Variants in DNAH8 observed in about 807,000 individuals in gnomAD.
DNAH8 encodes axonemal beta dynein heavy chain 8.
A neutral mutation model predicts 562.1 loss-of-function variants in DNAH8; 382 were observed. The observed-to-expected ratio is 0.68, with a 90% confidence interval of 0.63 to 0.74. The LOEUF (loss-of-function observed/expected upper bound fraction) is 0.74, where lower values mean the gene tolerates loss of function less well. DNAH8 is among the 30% of genes least tolerant of loss of function. DNAH8 has a pLI of 0.00. For synonymous variants in DNAH8, 1,881 were observed against 1,919.4 expected, an observed-to-expected ratio of 0.98 and a Z score of 0.52; for missense variants, 5,203 against 5,620.4, an observed-to-expected ratio of 0.93 and a Z score of 2.37.
At chr6:38,879,694 A>T (rs1006500197) in intron 53 of DNAH8, among the ~76,000 whole-genome samples, 1 of 151,948 alleles carries the variant, frequency 6.6e-6, no homozygotes, top group African/African-American at 2.4e-5. Flanking sequence ...TTTCTATTCA[A>T]CATTGTACTA....
chr6:38,759,840 C>T (rs765080897), intron 10 of DNAH8, among the ~76,000 whole-genome samples: 24 of 152,118 alleles, frequency 1.6e-4, no homozygotes, highest in Non-Finnish European at 3.4e-4. Flanking sequence ...TAATTTTCCA[C>T]CCACTGACTC....
chr6:38,979,761 G>A (rs1052244102), intron 85 of DNAH8, among the ~76,000 whole-genome samples: 5 of 152,166 alleles, frequency 3.3e-5, no homozygotes, highest in African/African-American at 1.2e-4. Context: ...ATAAATAGGA[G>A]TGTTTCCATA....
intron 18 of DNAH8, among the ~76,000 whole-genome samples, chr6:38,789,002 G>A (rs4714182): frequency 0.13 from 19,131 of 152,158 alleles, 1,490 homozygotes; most frequent in East Asian, 0.38. Flanking sequence ...CCATGCATGA[G>A]CTTTTTTACT....
chr6:38,820,424 A>G (rs1772714983), intron 26 of DNAH8, among the ~76,000 whole-genome samples: 1 of 152,206 alleles, frequency 6.6e-6, no homozygotes, highest in African/African-American at 2.4e-5. Flanking sequence ...GCTATTCTAT[A>G]TCCTATAACA....
Position 38,756,053 on chromosome 6 carries a change from G to C in DNAH8, c.1489G>C (p.Glu497Gln). ...HGVSRYYNTSERMTSLFIKVT... is the reference protein window; with the variant it reads ...HGVSRYYNTSQRMTSLFIKVT... ...TGTGTCAAGGTATTATAATACCTCA[G>C]AGAGAATGACCTCATTGTTTATCAA... Residue 497 changes from glutamate (E) to glutamine (Q), a missense_variant, in exon 10 of 93, where the codon GAG becomes CAG. Physicochemically the swap from Glu to Gln is conservative, Grantham distance 29. This residue lies in a region of DNAH8 where 2,176 missense variants were observed against 2,365.1 expected (regional missense o/e 0.92). Coordinates refer to ENST00000327475, the MANE Select transcript of DNAH8 (RefSeq NM_001206927.2). 1 of 1,593,450 alleles carries C rather than the reference G, an allele frequency of 6.3e-7. No homozygotes were observed. The highest frequency in any genetic ancestry group is 8.6e-7 in the Non-Finnish European group (1 of 1,161,792).
At chr6:39,017,527 A>G (rs553018189) in intron 91 of DNAH8, among the ~76,000 whole-genome samples, 18 of 152,274 alleles carry the variant, frequency 1.2e-4, no homozygotes, top group African/African-American at 4.3e-4. Context: ...TGTGTTCCCC[A>G]GGTCTCACAC....
chr6:38,932,215 C>CACACACACACACACACACACACACAT (rs1199457741), intron 76 of DNAH8, among the ~76,000 whole-genome samples: 3 of 150,580 alleles, frequency 2.0e-5, no homozygotes, highest in African/African-American at 7.4e-5. Context: ...CACACACACA[C>CACACACACACACACACACACACACAT]ACCCGTCTCT....
intron 9 of DNAH8, among the ~76,000 whole-genome samples, chr6:38,753,997 C>T (rs1765698324): frequency 6.6e-6 from 1 of 152,078 alleles, no homozygotes. Context: ...TAAAAGTAAC[C>T]AGCAATTGCT....
intron 12 of DNAH8, 123 bp downstream of exon 12, chr6:38,770,682 C>T (rs1767480436): frequency 1.1e-6 from 1 of 906,070 alleles, no homozygotes; most frequent in Non-Finnish European, 1.5e-6. Flanking sequence ...TATGACTTGT[C>T]TAATATTACT....
intron 70 of DNAH8, among the ~76,000 whole-genome samples, chr6:38,920,106 A>G (rs955917703): frequency 3.3e-5 from 5 of 152,218 alleles, no homozygotes; most frequent in African/African-American, 9.6e-5. Flanking sequence ...GAAGATTTAA[A>G]TAATTATAAA....
At chr6:38,898,695 T>C (rs1779873887) in intron 61 of DNAH8, among the ~76,000 whole-genome samples, 1 of 152,200 alleles carries the variant, frequency 6.6e-6, no homozygotes, top group Non-Finnish European at 1.5e-5. Context: ...AAAAATATAC[T>C]TCCCTCAAAT....
rs140190320 is a variant in DNAH8, at chr6:38,901,074, G to A, written c.9194+1168G>A. ...TCCATTTTTTTTTCAATTTGTTTGC[G>A]ATTCTTTCTTATTGATTGTTAGGAA... On this transcript the variant is annotated intron_variant, in intron 62 of 92. Transcript: ENST00000327475. 2.3e-3 allele frequency among the ~76,000 whole-genome samples: 349 copies of A among 151,696 alleles called. 3 individuals are homozygous for A. The highest frequency in any genetic ancestry group is 0.015 in the East Asian group (80 of 5,174).
chr6:38,845,826 A>AAG, intron 36 of DNAH8, 53 bp downstream of exon 36: 1 of 1,468,362 alleles, frequency 6.8e-7, no homozygotes, highest in Non-Finnish European at 9.5e-7. Context: ...GGGTTATAAA[A>AAG]TTCTAAGTAA....
At chr6:38,946,702 C>T (rs570329234) in intron 80 of DNAH8, among the ~76,000 whole-genome samples, 7 of 152,006 alleles carry the variant, frequency 4.6e-5, no homozygotes, top group South Asian at 4.2e-4. Flanking sequence ...CCCAGCTACT[C>T]GGGAGGCTGA....
intron 10 of DNAH8, among the ~76,000 whole-genome samples, chr6:38,760,144 A>G (rs181508289): frequency 6.8e-4 from 104 of 152,100 alleles, no homozygotes; most frequent in Non-Finnish European, 2.2e-4. Context: ...TCCTTCTTGG[A>G]TTCATTATTT....
chr6:38,935,442 T>C (rs990682574), intron 76 of DNAH8, 150 bp from the exon 77 acceptor site: 1 of 592,540 alleles, frequency 1.7e-6, no homozygotes, highest in Non-Finnish European at 2.9e-6. Context: ...TATGGATAGA[T>C]AGATTTGGCT....
intron 1 of DNAH8, among the ~76,000 whole-genome samples, chr6:38,720,877 G>T (rs1273752186): frequency 6.6e-6 from 1 of 151,942 alleles, no homozygotes; most frequent in Non-Finnish European, 1.5e-5. Context: ...TATCAGAGAA[G>T]GTTAACAAAG....
At chr6:38,859,774 A>G (rs1776466162) in intron 42 of DNAH8, among the ~76,000 whole-genome samples, 1 of 152,216 alleles carries the variant, frequency 6.6e-6, no homozygotes, top group African/African-American at 2.4e-5. Context: ...GCTGATGACT[A>G]GGCAGATTGA....
rs758841101 is a variant in DNAH8 at position 38,842,516 on chromosome 6, A to G, written c.4604+11A>G. Reference sequence around the variant, plus strand: ...GGAATTTCAAAACAGGTGAGTTTCAATGGAATTTTTTATAATGCCTGTCTT... The same window carrying G: ...GGAATTTCAAAACAGGTGAGTTTCAGTGGAATTTTTTATAATGCCTGTCTT... On this transcript the variant is annotated intron_variant, in intron 34 of 92. Transcript: ENST00000327475. 11 of 1,608,170 alleles carry G rather than the reference A, an allele frequency of 6.8e-6. No homozygotes were observed. Among genetic ancestry groups the G allele is most frequent in the Non-Finnish European group, 9.3e-6 (11 of 1,178,466 alleles).
Sources: gnomAD v4.1 joint callset for allele counts (sites outside exome capture counted in the v4.1 genomes callset) on GRCh38, gnomAD v4.1.1 for gene constraint, gnomAD v4.1.1 regional missense constraint, MANE v1.5 for transcripts, NCBI Gene and HGNC (gene_info 2026-07-23, HGNC 2026-07-21) for gene names.